The following IVD variants were observed in gnomAD, a reference collection of about 807,000 sequenced individuals.
IVD encodes isovaleryl-CoA dehydrogenase, mitochondrial.
IVD carries 31 observed loss-of-function variants against 51.3 expected under a neutral mutation model. The observed-to-expected ratio is 0.60, with a 90% CI of 0.45 to 0.81. The LOEUF (loss-of-function observed/expected upper bound fraction) is 0.81, where lower values mean the gene tolerates loss of function less well. IVD is among the 40% of genes least tolerant of loss of function. The pLI, the probability that IVD is intolerant of heterozygous loss-of-function variation, is 0.00. For synonymous variants in IVD, 205 were observed against 219.4 expected (o/e 0.93, Z 0.58); for missense variants, 475 against 552.0 (o/e 0.86, Z 1.40).
chr15:40,410,568 T>C, intron 3 of IVD, 60 bp from the exon 4 acceptor site: 1 of 1,588,468 alleles, frequency 6.3e-7, no homozygotes, highest in South Asian at 1.1e-5. Flanking sequence ...AGATTCTTAA[T>C]GAATGTCCCG....
At position 40,405,938 on chromosome 15, in the gene IVD, T is replaced by C. The variant is rs887220079; in HGVS notation, c.111T>C (p.Asp37=). Residue 37 remains aspartate (D), a synonymous_variant, in exon 1 of 12, where the codon GAT becomes GAC. Transcript: ENST00000487418. ...CCCACTCGCTTTTGCCCGTGGACGA[T>C]GCAATCAATGGGCTAAGCGAGGAGC... ...QRAHSLLPVD[D]AINGLSEEQR... 133 of 1,612,804 alleles carry C rather than the reference T, an allele frequency of 8.2e-5. No homozygotes were observed. The highest frequency in any genetic ancestry group is 1.1e-4 in the Non-Finnish European group (125 of 1,179,770).
chr15:40,425,071 C>A (rs1892589573), downstream of IVD, among the ~76,000 whole-genome samples: 1 of 152,216 alleles, frequency 6.6e-6, no homozygotes, highest in South Asian at 2.1e-4. Flanking sequence ...GGAAGCTGTG[C>A]TAAAAGACCC....
chr15:40,408,671 C>T (rs1442154216), intron 3 of IVD, among the ~76,000 whole-genome samples: 1 of 152,100 alleles, frequency 6.6e-6, no homozygotes, highest in East Asian at 1.9e-4. Context: ...TGAGCCTAGG[C>T]CAGGCGTGGT....
rs770227976 is a variant in IVD at position 40,411,244 on chromosome 15, G to C, written c.457-16G>C. ...TCTGAGGTTGTAACAAGGCCTGTTG[G>C]GGGTTTTCCTTGCAGCTGATCAGTG... On this transcript the variant is annotated splice_polypyrimidine_tract_variant and intron_variant, in intron 4 of 11. Transcript: ENST00000487418. The C allele has an allele frequency of 6.2e-7, 1 of 1,613,520 alleles. No individual in the cohort carries two copies. The highest frequency in any genetic ancestry group is 8.5e-7 in the Non-Finnish European group (1 of 1,179,444).
chr15:40,412,925 C>T (rs1295961306), intron 6 of IVD, 66 bp from the exon 7 acceptor site: 3 of 1,307,824 alleles, frequency 2.3e-6, no homozygotes. Flanking sequence ...TTCCCAGAGG[C>T]CTTTCCTTTA....
intron 1 of IVD, 90 bp from the exon 2 acceptor site, chr15:40,407,546 G>A: frequency 2.2e-6 from 2 of 916,616 alleles, no homozygotes; most frequent in Non-Finnish European, 3.7e-6. Context: ...GATGCTGTTT[G>A]GGGAAGTTAC....
chr15:40,409,922 C>T (rs1242433103), intron 3 of IVD, among the ~76,000 whole-genome samples: 2 of 151,624 alleles, frequency 1.3e-5, no homozygotes, highest in Non-Finnish European at 2.9e-5. Context: ...CTGCAAGCTC[C>T]ACCTGCCAGG....
At chr15:40,424,146 C>T (rs1566948942), downstream of IVD, 13 of 1,286,748 alleles carry the variant, frequency 1.0e-5, no homozygotes, top group Non-Finnish European at 1.3e-5. Context: ...CCATGCCCCT[C>T]AACCCTTCCT....
rs1891625159 is a variant in IVD, at chr15:40,415,973, C to T, written c.961-105C>T. 6.3e-6 allele frequency: 6 copies of T among 949,860 alleles called. No individual in the cohort carries two copies. In the Admixed American group the frequency reaches 9.8e-5, roughly 16 times the overall value. 58.8% of individuals were successfully genotyped at this position (949,860 alleles called of 1,614,324 possible). On this transcript the variant is annotated intron_variant, in intron 9 of 11. Coordinates refer to ENST00000487418, the MANE Select transcript of IVD (RefSeq NM_002225.5). ...GAGTAAATCCCATCTCCTCTCCATG[C>T]CCCTGCTTCCTCATCCTTGGCTGTC...
At chr15:40,411,911 G>A (rs867427332) in intron 6 of IVD, among the ~76,000 whole-genome samples, 1 of 152,136 alleles carries the variant, frequency 6.6e-6, no homozygotes, top group Admixed American at 6.5e-5. Context: ...CGTCCTCAGC[G>A]CCAGGCCACA....
At chr15:40,417,901 G>C (rs2141371989) in intron 11 of IVD, among the ~76,000 whole-genome samples, 1 of 152,266 alleles carries the variant, frequency 6.6e-6, no homozygotes, top group South Asian at 2.1e-4. Flanking sequence ...ATATATATGG[G>C]GTTCGGTACT....
Position 40,418,421 on chromosome 15 carries a change from C to T in IVD, c.*158C>T. The T allele has an allele frequency of 4.3e-5, 66 of 1,545,374 alleles. No individual in the cohort carries two copies. The highest frequency in any genetic ancestry group is 5.7e-5 in the Non-Finnish European group (66 of 1,151,212). ...TGAGGTTGAGTTCTCCACAACAGCT[C>T]CCAAGCATCATGGGCCTCGCAGCCG... On this transcript the variant is annotated 3_prime_UTR_variant, in exon 12 of 12. Transcript: ENST00000487418.
At chr15:40,428,588 C>T (rs556020575), downstream of IVD, among the ~76,000 whole-genome samples, 1 of 152,242 alleles carries the variant, frequency 6.6e-6, no homozygotes, top group East Asian at 1.9e-4. Flanking sequence ...TGGAACCTGG[C>T]CACACACATC....
chr15:40,427,383 G>T (rs114986307), downstream of IVD, among the ~76,000 whole-genome samples: 1,372 of 152,350 alleles, frequency 9.0e-3, 20 homozygotes, highest in African/African-American at 0.032. Context: ...CAGAGGCAAG[G>T]AGCGTGAACA....
Position 40,418,424 on chromosome 15 carries a change from A to G in IVD, c.*161A>G. 6.5e-7 allele frequency: 1 copy of G among 1,541,948 alleles called. No individual in the cohort carries two copies. Among genetic ancestry groups the G allele is most frequent in the Non-Finnish European group, 8.7e-7 (1 of 1,149,400 alleles). On this transcript the variant is annotated 3_prime_UTR_variant, in exon 12 of 12. Transcript: ENST00000487418. The stretch of plus-strand genomic sequence containing the variant: ...GGTTGAGTTCTCCACAACAGCTCCC[A>G]AGCATCATGGGCCTCGCAGCCGGGC...
At chr15:40,421,317 C>A (rs1892281055), downstream of IVD, 17 of 985,396 alleles carry the variant, frequency 1.7e-5, no homozygotes, top group Non-Finnish European at 2.0e-5. Context: ...AACCATGCAG[C>A]CTGAGTGGTA....
At chr15:40,406,782 G>C (rs1566930689) in intron 1 of IVD, among the ~76,000 whole-genome samples, 1 of 152,082 alleles carries the variant, frequency 6.6e-6, no homozygotes, top group African/African-American at 2.4e-5. Context: ...AGCGCTCAGA[G>C]CTTCCGTGAA....
At chr15:40,428,805 C>T (rs1892814290), downstream of IVD, among the ~76,000 whole-genome samples, 1 of 152,170 alleles carries the variant, frequency 6.6e-6, no homozygotes, top group Non-Finnish European at 1.5e-5. Flanking sequence ...GGCAACAAGA[C>T]AATCTCTCTG....
At chr15:40,431,702 A>AG (rs1292041877) in intron 7 of IVD, among the ~76,000 whole-genome samples, 2 of 152,112 alleles carry the variant, frequency 1.3e-5, no homozygotes, top group Non-Finnish European at 2.9e-5. Flanking sequence ...CTCAAAAAAA[A>AG]AAAAAAGATT....
Sources: gnomAD v4.1 joint callset for allele counts (sites outside exome capture counted in the v4.1 genomes callset) on GRCh38, gnomAD v4.1.1 for gene constraint, MANE v1.5 for transcripts, NCBI Gene and HGNC (gene_info 2026-07-23, HGNC 2026-07-21) for gene names.